Variants in KIF6 observed in about 807,000 individuals in gnomAD.
The protein encoded by KIF6 is kinesin family member 6.
Under a neutral mutation model 112.7 loss-of-function variants are expected in KIF6, and 106 were observed. The observed-to-expected ratio is 0.94, with a 90% CI of 0.80 to 1.11. KIF6 has a LOEUF of 1.11. KIF6 is among the 50% of genes least tolerant of loss of function. KIF6 has a pLI of 0.00. For synonymous variants in KIF6, 339 were observed against 339.9 expected, an observed-to-expected ratio of 1.00 and a Z score of 0.03; for missense variants, 929 against 964.0, an observed-to-expected ratio of 0.96 and a Z score of 0.48.
At chr6:39,432,275 A>AAATGAATCAGGTTGAG (rs1771220169) in intron 13 of KIF6, among the ~76,000 whole-genome samples, 1 of 152,194 alleles carries the variant, frequency 6.6e-6, no homozygotes, top group Non-Finnish European at 1.5e-5. Flanking sequence ...TACATCTGTT[A>AAATGAATCAGGTTGAG]AATGAATCAG....
intron 13 of KIF6, 50 bp downstream of exon 13, chr6:39,539,953 T>G: frequency 7.2e-7 from 1 of 1,393,744 alleles, no homozygotes; most frequent in East Asian, 2.3e-5. Context: ...GGGTGCTACA[T>G]CGAAATCCAT....
chr6:39,432,882 G>A (rs1771258328), intron 13 of KIF6, among the ~76,000 whole-genome samples: 2 of 152,166 alleles, frequency 1.3e-5, no homozygotes, highest in Admixed American at 1.3e-4. Flanking sequence ...AAGCTCCACA[G>A]AGACCACACT....
At chr6:39,398,376 A>G (rs903560243) in intron 15 of KIF6, among the ~76,000 whole-genome samples, 1 of 152,210 alleles carries the variant, frequency 6.6e-6, no homozygotes, top group Admixed American at 6.5e-5. Context: ...CAGCTAATGG[A>G]GCATATTGAT....
chr6:39,582,694 C>T (rs1282708414), intron 9 of KIF6, among the ~76,000 whole-genome samples: 3 of 152,028 alleles, frequency 2.0e-5, no homozygotes, highest in African/African-American at 7.2e-5. Flanking sequence ...GGATTACAGG[C>T]GTGAGCCACC....
At chr6:39,337,216 T>TTTCTTTCTTTCTTTC (rs1763059440) in intron 22 of KIF6, among the ~76,000 whole-genome samples, 2 of 110,998 alleles carry the variant, frequency 1.8e-5, no homozygotes, top group African/African-American at 1.2e-4. Flanking sequence ...TCTTTCTTTC[T>TTTCTTTCTTTCTTTC]TTCTTTCTTT....
In KIF6 at chr6:39,646,005, G is replaced by T. The variant is rs561553838; in HGVS notation, c.252-6248C>A. ...GCAGGGGGGAGGGATAGCATTAGGA[G>T]ATATACCTAATGTAAATGATGAGTT... On this transcript the variant is annotated intron_variant, in intron 3 of 22. Coordinates refer to ENST00000287152, the MANE Select transcript of KIF6 (RefSeq NM_145027.6). 1.8e-4 allele frequency among the ~76,000 whole-genome samples: 27 copies of T among 151,942 alleles called. No homozygotes were observed. The East Asian group carries it at 5.0e-3, about 28-fold the overall frequency.
chr6:39,470,847 C>A (rs1774081318), intron 13 of KIF6, among the ~76,000 whole-genome samples: 1 of 149,900 alleles, frequency 6.7e-6, no homozygotes, highest in Non-Finnish European at 1.5e-5. Context: ...TTCCTCTACC[C>A]ACTGCCCTTT....
chr6:39,460,555 A>T (rs1773411701), intron 13 of KIF6, among the ~76,000 whole-genome samples: 1 of 150,388 alleles, frequency 6.6e-6, no homozygotes, highest in African/African-American at 2.4e-5. Flanking sequence ...AAAAAAAAAA[A>T]AAAAAGATCT....
In KIF6 at chr6:39,333,800, G is replaced by A. The variant is rs1169116871; in HGVS notation, c.*2732C>T. The A allele has an allele frequency of 6.6e-6, 1 of 152,234 alleles. No homozygotes were observed. Among genetic ancestry groups the A allele is most frequent in the Non-Finnish European group, 1.5e-5 (1 of 68,042 alleles). 9.4% of individuals were successfully genotyped at this position (152,234 alleles called of 1,614,324 possible). A position where few individuals can be genotyped will look rare whatever the true frequency, so the allele number is the denominator to read the frequency against. On this transcript the variant is annotated 3_prime_UTR_variant, in exon 23 of 23. Transcript: ENST00000287152. ...TCTTGTCAAGGGATTGGTAGAGCCA[G>A]TTGAATTCTAGCAGGGACTGGGCTG...
intron 13 of KIF6, among the ~76,000 whole-genome samples, chr6:39,435,807 TG>T (rs1771483206): frequency 6.6e-6 from 1 of 152,198 alleles, no homozygotes; most frequent in African/African-American, 2.4e-5. Flanking sequence ...AATTGTAAAT[TG>T]CGCTGTGATA....
rs1371051506 is a variant in KIF6, at chr6:39,378,252, C to A, written c.1861+7370G>T. Among the ~76,000 whole-genome samples, 1 of 151,728 alleles carries A rather than the reference C, an allele frequency of 6.6e-6. No individual in the cohort carries two copies. Among genetic ancestry groups the A allele is most frequent in the Non-Finnish European group, 1.5e-5 (1 of 67,914 alleles). ...ATATCCATACCACCAACACACCACA[C>A]ACACACACAAACCCACAAACCACAC... On this transcript the variant is annotated intron_variant, in intron 16 of 22. Transcript: ENST00000287152. The surrounding 1 kb of genome is among the most constrained non-coding windows in gnomAD (Gnocchi z 5.0).
In KIF6 at chr6:39,725,300, T is replaced by A; in HGVS notation, c.11A>T (p.Gln4Leu). 1 of 1,610,202 alleles carries A rather than the reference T, an allele frequency of 6.2e-7. No homozygotes were observed. Among genetic ancestry groups the A allele is most frequent in the Non-Finnish European group, 8.5e-7 (1 of 1,178,504 alleles). The change falls in exon 1 of 23, where the codon CAG becomes CTG. Residue 4 changes from glutamine to leucine, a missense_variant. Physicochemically the swap from Gln to Leu is moderately radical, Grantham distance 113. Coordinates refer to ENST00000287152, the MANE Select transcript of KIF6 (RefSeq NM_145027.6). MVK[Q>L]TIQIFARVKP... ...CACCCTCGCGAATATCTGGATAGTC[T>A]GCTTCACCATCTCCTCCCTGGCTCT...
intron 3 of KIF6, among the ~76,000 whole-genome samples, chr6:39,648,494 G>C (rs1361465194): frequency 6.6e-6 from 1 of 152,186 alleles, no homozygotes; most frequent in African/African-American, 2.4e-5. Context: ...TGATCTGAAA[G>C]ACACCTCTTA....
chr6:39,702,971 G>GA lies in KIF6; in HGVS notation c.251+11720dup, dbSNP rs1321764275. ...GTACTTGGGCATCTGGAGCACAGGA[G>GA]AAAAAACTCAGGAGGTGAGCAGTAA... is the stretch of plus-strand genomic sequence containing the variant. On this transcript the variant is annotated intron_variant, in intron 3 of 22. Transcript: ENST00000287152. 6.6e-5 allele frequency among the ~76,000 whole-genome samples: 10 copies of GA among 151,582 alleles called. 1 individual carries two copies. The highest frequency in any genetic ancestry group is 4.2e-4 in the South Asian group (2 of 4,782).
intron 10 of KIF6, among the ~76,000 whole-genome samples, chr6:39,552,152 CCAAA>C (rs1481575050): frequency 4.5e-4 from 69 of 152,280 alleles, no homozygotes; most frequent in Middle Eastern, 3.4e-3. Context: ...GTTCGGAACA[CCAAA>C]CAAAGATGTA....
chr6:39,593,777 A>C (rs1251394182), intron 7 of KIF6, among the ~76,000 whole-genome samples: 1 of 152,100 alleles, frequency 6.6e-6, no homozygotes, highest in East Asian at 1.9e-4. Context: ...GCCTCTATTC[A>C]TTCCTCTGCG....
intron 10 of KIF6, among the ~76,000 whole-genome samples, chr6:39,575,165 C>T (rs537472050): frequency 6.6e-6 from 1 of 152,284 alleles, no homozygotes; most frequent in South Asian, 2.1e-4. Flanking sequence ...TCCAGCCACA[C>T]CTGAACCATG....
chr6:39,504,322 A>T (rs1424135947), intron 13 of KIF6, among the ~76,000 whole-genome samples: 2 of 152,064 alleles, frequency 1.3e-5, no homozygotes, highest in African/African-American at 2.4e-5. Flanking sequence ...CATGTTAAAA[A>T]CTCTCAATAA....
intron 7 of KIF6, among the ~76,000 whole-genome samples, chr6:39,590,455 T>A (rs867726776): frequency 1.4e-3 from 197 of 136,062 alleles, no homozygotes; most frequent in South Asian, 4.3e-3. Flanking sequence ...ATATATATTT[T>A]TTTTTTTTTT....
Sources: allele counts gnomAD v4.1 joint callset (sites outside exome capture counted in the v4.1 genomes callset), GRCh38; gene constraint gnomAD v4.1.1; non-coding constraint Gnocchi (gnomAD v3.1); transcripts MANE v1.5; gene names NCBI Gene and HGNC (gene_info 2026-07-23, HGNC 2026-07-21).